POLA1: variants seen among roughly 807,000 people sequenced by gnomAD.
POLA1 encodes the protein DNA polymerase alpha 1, catalytic subunit, also known as DNA polymerase alpha catalytic subunit.
Under a neutral mutation model 124.0 loss-of-function variants are expected in POLA1, and 15 were observed. That is an observed-to-expected ratio of 0.12 (90% confidence interval 0.08 to 0.19). The LOEUF is 0.19. Among genes scored for constraint, POLA1 ranks in the 10% least tolerant of loss-of-function variants. POLA1 has a pLI of 1.00. For synonymous variants in POLA1, 408 were observed against 389.4 expected, an observed-to-expected ratio of 1.05 and a Z score of -0.56; for missense variants, 886 against 1,103.4, an observed-to-expected ratio of 0.80 and a Z score of 2.79.
intron 36 of POLA1, among the ~76,000 whole-genome samples, chrX:24,962,283 TTGAC>T (rs1463593206): frequency 9.0e-6 from 1 of 111,346 alleles, no homozygotes; most frequent in East Asian, 2.8e-4. Context: ...AAAAAGTAGT[TTGAC>T]TGTATACTAA....
intron 35 of POLA1, among the ~76,000 whole-genome samples, chrX:24,909,062 G>T (rs749901472): frequency 1.4e-4 from 16 of 111,934 alleles, no homozygotes; most frequent in Non-Finnish European, 2.6e-4. Context: ...CATATCCTCC[G>T]CCCACTTCTT....
chrX:24,843,585 A>G lies in POLA1; in HGVS notation c.3955A>G (p.Ile1319Val), dbSNP rs756416451. ...GCCCAGCTTGTATCGTTGCAGTAAC[A>G]TCGATTGTAAGGCTTCACCTCTGAC... ...MEPSLYRCSN[I>V]DCKASPLTFT... The change falls in exon 34 of 37, where the codon ATC (isoleucine) becomes GTC (valine). Residue 1319 changes from isoleucine to valine, a missense_variant. By Grantham distance (29) the Ile-to-Val change is conservative. Around this residue, in one of 7 missense-constraint regions of POLA1, gnomAD observed 313 missense variants for 359.7 expected, o/e 0.87. Transcript: ENST00000379068. 33 of 1,190,920 alleles carry G rather than the reference A, an allele frequency of 2.8e-5. No individual in the cohort carries two copies. In the Admixed American group the frequency reaches 6.2e-4, roughly 22 times the overall value.
At chrX:24,968,702 C>CA (rs1230409270) in intron 36 of POLA1, among the ~76,000 whole-genome samples, 2,190 of 33,565 alleles carry the variant, frequency 0.065, 72 homozygotes, top group Middle Eastern at 0.11. Flanking sequence ...GACTCCATCT[C>CA]AAAAAAAAAA....
intron 7 of POLA1, 68 bp downstream of exon 7, chrX:24,716,522 C>T: frequency 1.7e-6 from 1 of 595,214 alleles, no homozygotes; most frequent in South Asian, 2.8e-5. Flanking sequence ...TGTTGCTTTT[C>T]TGTATGAGGG....
chrX:24,732,659 T>C (rs1346064155), intron 16 of POLA1, among the ~76,000 whole-genome samples: 1 of 105,084 alleles, frequency 9.5e-6, no homozygotes, highest in Non-Finnish European at 2.0e-5. Context: ...CCTATTCAGC[T>C]GGTTCATTTT....
chrX:24,843,667 A>C lies in POLA1; in HGVS notation c.4037A>C (p.Lys1346Thr). Reference sequence around the variant, plus strand: ...ATGGACATTAGACGTTTCATTAAAAAGTACTATGATGTAAGTATCCATAAT... The same window carrying C: ...ATGGACATTAGACGTTTCATTAAAACGTACTATGATGTAAGTATCCATAAT... The part of the protein sequence containing the change: ...LIMDIRRFIK[K>T]YYDGWLICEE... Residue 1346 changes from lysine to threonine, a missense_variant, in exon 34 of 37, where the codon AAG (lysine) becomes ACG (threonine). Lys to Thr is a moderately conservative substitution (Grantham distance 78, BLOSUM62 -1). Transcript: ENST00000379068. The C allele has an allele frequency of 1.7e-6, 2 of 1,166,399 alleles. No homozygotes were observed. Among genetic ancestry groups the C allele is most frequent in the Non-Finnish European group, 2.3e-6 (2 of 862,066 alleles).
chrX:24,790,992 T>C (rs1296378767), intron 26 of POLA1, among the ~76,000 whole-genome samples: 2 of 106,238 alleles, frequency 1.9e-5, no homozygotes, highest in African/African-American at 6.9e-5. Flanking sequence ...TCAAGAACTT[T>C]CAGAGGTTCT....
chrX:24,805,580 G>T (rs1182833493), intron 26 of POLA1, among the ~76,000 whole-genome samples: 6 of 112,208 alleles, frequency 5.3e-5, no homozygotes, highest in Non-Finnish European at 1.1e-4. Flanking sequence ...TTCTGCTGCA[G>T]TTGACATTAC....
In POLA1 at chrX:24,717,280, A is replaced by G. The variant is rs376191253; in HGVS notation, c.707-10A>G. 1.0e-5 allele frequency: 12 copies of G among 1,198,397 alleles called. No homozygotes were observed. The African/African-American group carries it at 2.1e-4, about 21-fold the overall frequency. On this transcript the variant is annotated splice_polypyrimidine_tract_variant and intron_variant, in intron 8 of 36. Transcript: ENST00000379068. ...TAACACATGACAAGAATGTGTGATG[A>G]TGCCTACAGGCGATGATGTACAGGT... is the stretch of plus-strand genomic sequence containing the variant.
At chrX:24,743,915 C>CA (rs1314987074) in intron 23 of POLA1, among the ~76,000 whole-genome samples, 1 of 104,093 alleles carries the variant, frequency 9.6e-6, no homozygotes, top group Non-Finnish European at 2.0e-5. Context: ...TTTTTGGAGA[C>CA]AGAGTTTTAC....
chrX:24,829,814 G>A (rs1199655763), intron 32 of POLA1, among the ~76,000 whole-genome samples: 1 of 111,847 alleles, frequency 8.9e-6, no homozygotes, highest in African/African-American at 3.2e-5. Flanking sequence ...TCTAAGAGGT[G>A]CAAGCTGTAG....
At chrX:24,947,128 A>G (rs749135307) in intron 36 of POLA1, among the ~76,000 whole-genome samples, 3 of 109,404 alleles carry the variant, frequency 2.7e-5, no homozygotes, top group Admixed American at 2.0e-4. Context: ...TATTAGTGGG[A>G]TTAAGTTTGA....
chrX:24,928,832 G>A (rs2047731582), intron 35 of POLA1, among the ~76,000 whole-genome samples: 1 of 111,538 alleles, frequency 9.0e-6, no homozygotes. Context: ...ATAGTATAAT[G>A]ATGATGCATA....
chrX:24,766,529 G>A (rs751702940), intron 26 of POLA1, among the ~76,000 whole-genome samples: 19 of 112,042 alleles, frequency 1.7e-4, no homozygotes, highest in Non-Finnish European at 2.8e-4. Context: ...CAAATTCTAT[G>A]GATAGTGATT....
chrX:24,812,324 A>G (rs1308783141), intron 28 of POLA1, among the ~76,000 whole-genome samples: 1 of 112,421 alleles, frequency 8.9e-6, no homozygotes, highest in East Asian at 2.8e-4. Flanking sequence ...CAAGTACTGT[A>G]TGTATGCATT....
At chrX:24,698,061 C>T (rs1301725119) in intron 1 of POLA1, among the ~76,000 whole-genome samples, 1 of 109,861 alleles carries the variant, frequency 9.1e-6, no homozygotes, top group East Asian at 2.8e-4. Context: ...CCTGCCTCAG[C>T]CTCCTAAGCA....
intron 36 of POLA1, among the ~76,000 whole-genome samples, chrX:24,959,415 G>T (rs1037039989): frequency 9.3e-6 from 1 of 107,940 alleles, no homozygotes; most frequent in African/African-American, 3.4e-5. Context: ...AGTGAGCCAA[G>T]AGCGCACCAC....
intron 35 of POLA1, among the ~76,000 whole-genome samples, chrX:24,903,587 A>G (rs1360073420): frequency 8.9e-6 from 1 of 112,167 alleles, no homozygotes; most frequent in South Asian, 3.7e-4. Context: ...GAATTAATAC[A>G]TCAGTGCTGA....
At chrX:24,857,428 C>A (rs185752567) in intron 34 of POLA1, among the ~76,000 whole-genome samples, 3 of 111,615 alleles carry the variant, frequency 2.7e-5, no homozygotes, top group Non-Finnish European at 5.7e-5. Context: ...TTAGAGTCAG[C>A]TTGTCCTTAT....
Sources: gnomAD v4.1 joint callset for allele counts (sites outside exome capture counted in the v4.1 genomes callset) on GRCh38, gnomAD v4.1.1 for gene constraint, gnomAD v4.1.1 regional missense constraint, MANE v1.5 for transcripts, NCBI Gene and HGNC (gene_info 2026-07-23, HGNC 2026-07-21) for gene names.